USH2A: variants seen among roughly 807,000 people sequenced by gnomAD.
USH2A encodes the protein Usher syndrome 2A (autosomal recessive, mild).
In USH2A, 443 loss-of-function variants were observed where a neutral mutation model predicts 538.9. The ratio of observed to expected loss-of-function variants is 0.82; its 90% CI spans 0.76 to 0.89. USH2A has a LOEUF of 0.89. Among genes scored for constraint, USH2A ranks in the 40% least tolerant of loss-of-function variants. USH2A has a pLI of 0.00. For missense variants in USH2A, 6,633 were observed against 6,324.8 expected, an observed-to-expected ratio of 1.05 and a Z score of -1.65; for synonymous variants, 2,413 against 2,273.5, an observed-to-expected ratio of 1.06 and a Z score of -1.75.
intron 32 of USH2A, among the ~76,000 whole-genome samples, chr1:216,007,404 G>A (rs1167705981): frequency 6.6e-5 from 10 of 152,124 alleles, no homozygotes; most frequent in Admixed American, 6.6e-4. Flanking sequence ...AGAGAAGGAA[G>A]ACTCTGTTCC....
Position 216,299,212 on chromosome 1 carries a change from A to G in USH2A, c.1645-6842T>C, listed in dbSNP as rs535437597. Among the ~76,000 whole-genome samples the G allele has an allele frequency of 2.0e-5, 3 of 152,224 alleles. No individual in the cohort carries two copies. In the South Asian group the frequency reaches 6.2e-4, roughly 32 times the overall value. ...TAATGGGGTGTTGATAATACTGAAG[A>G]GAAGGAAACAAATTAAATGCCCAAA... is the stretch of plus-strand genomic sequence containing the variant. On this transcript the variant is annotated intron_variant, in intron 9 of 71. Transcript: ENST00000307340.
Position 215,841,132 on chromosome 1 carries a change from T to C in USH2A, c.9259-3029A>G, listed in dbSNP as rs946384141. Among the ~76,000 whole-genome samples the C allele has an allele frequency of 2.0e-5, 3 of 152,292 alleles. No homozygotes were observed. The East Asian group carries it at 5.8e-4, about 29-fold the overall frequency. On this transcript the variant is annotated intron_variant, in intron 46 of 71. Coordinates refer to ENST00000307340, the MANE Select transcript of USH2A (RefSeq NM_206933.4). Reference sequence around the variant, plus strand: ...TGGCCATATTGCTCAAAGTAATTAATAGATTCAATGATATTCCCATTAAAC... The same window carrying C: ...TGGCCATATTGCTCAAAGTAATTAACAGATTCAATGATATTCCCATTAAAC...
chr1:216,057,983 G>T (rs374656047), intron 30 of USH2A, among the ~76,000 whole-genome samples: 1 of 152,124 alleles, frequency 6.6e-6, no homozygotes, highest in Non-Finnish European at 1.5e-5. Context: ...TTCTGGCCAC[G>T]CAAGATAACC....
chr1:215,872,577 G>A (rs1664651594), intron 43 of USH2A, among the ~76,000 whole-genome samples: 1 of 152,032 alleles, frequency 6.6e-6, no homozygotes, highest in African/African-American at 2.4e-5. Flanking sequence ...TTTATTCTAA[G>A]AAAACACTAG....
chr1:215,880,081 T>C (rs1023587077), intron 41 of USH2A, among the ~76,000 whole-genome samples: 7 of 152,208 alleles, frequency 4.6e-5, no homozygotes, highest in African/African-American at 7.2e-5. Context: ...AGTCATGTTT[T>C]GTTAGATTAT....
At chr1:215,718,665 A>T (rs1659564032) in intron 61 of USH2A, among the ~76,000 whole-genome samples, 1 of 152,146 alleles carries the variant, frequency 6.6e-6, no homozygotes, top group Non-Finnish European at 1.5e-5. Flanking sequence ...AAAATTGGTC[A>T]TCTGTGTATG....
At chr1:216,104,806 C>A (rs970028648) in intron 21 of USH2A, among the ~76,000 whole-genome samples, 99 of 147,768 alleles carry the variant, frequency 6.7e-4, no homozygotes, top group South Asian at 1.1e-3. Flanking sequence ...GCAACAAAAG[C>A]CAAAATTGAC....
chr1:215,737,853 C>T (rs1660200028), intron 60 of USH2A, among the ~76,000 whole-genome samples: 1 of 151,992 alleles, frequency 6.6e-6, no homozygotes, highest in Non-Finnish European at 1.5e-5. Flanking sequence ...GCTTTGAAAA[C>T]CCTTTCATAT....
intron 60 of USH2A, among the ~76,000 whole-genome samples, chr1:215,728,767 A>G (rs1659906843): frequency 6.6e-6 from 1 of 152,242 alleles, no homozygotes; most frequent in African/African-American, 2.4e-5. Flanking sequence ...AATACAAGAA[A>G]ACAAACATAT....
rs80269349 is a variant in USH2A, at chr1:215,640,324, G to A, written c.14968+234C>T. Among the ~76,000 whole-genome samples, 550 of 152,300 alleles carry A rather than the reference G, an allele frequency of 3.6e-3. 1 individual carries two copies. The highest frequency in any genetic ancestry group is 5.9e-3 in the Non-Finnish European group (400 of 68,018). On this transcript the variant is annotated intron_variant, in intron 68 of 71. Coordinates refer to ENST00000307340, the MANE Select transcript of USH2A (RefSeq NM_206933.4). ...CCCTTCCTGGGGACCCTCCAGTCCT[G>A]TGGAGGCAGCGCTGTCCCCTTGAAC...
intron 11 of USH2A, among the ~76,000 whole-genome samples, chr1:216,266,246 T>C (rs2036470875): frequency 6.6e-6 from 1 of 152,022 alleles, no homozygotes; most frequent in Admixed American, 6.6e-5. Context: ...CACATGCTGG[T>C]GGAAAAACCC....
chr1:215,847,124 C>T (rs545669503), intron 44 of USH2A, among the ~76,000 whole-genome samples: 13 of 152,256 alleles, frequency 8.5e-5, no homozygotes, highest in Admixed American at 5.9e-4. Flanking sequence ...CTCTTCCTCC[C>T]AATTTATCCA....
At position 216,250,790 on chromosome 1, in the gene USH2A, C is replaced by T; in HGVS notation, c.2167+113G>A. The T allele has an allele frequency of 5.3e-6, 6 of 1,129,616 alleles. No individual in the cohort carries two copies. In the Admixed American group the frequency reaches 8.8e-5, roughly 17 times the overall value. The allele number at this position is 1,129,616 out of a possible 1,614,324, so 70.0% of individuals were successfully genotyped here. On this transcript the variant is annotated intron_variant, in intron 12 of 71. Coordinates refer to ENST00000307340, the MANE Select transcript of USH2A (RefSeq NM_206933.4). Reference sequence around the variant, plus strand: ...ATTTCATCCAAATTGTTTTTTTTTCCAGCCTGTCTTGAGCAAAGAAATTTG... The same window carrying T: ...ATTTCATCCAAATTGTTTTTTTTTCTAGCCTGTCTTGAGCAAAGAAATTTG...
intron 55 of USH2A, among the ~76,000 whole-genome samples, chr1:215,772,351 A>G (rs1661315483): frequency 6.6e-6 from 1 of 152,236 alleles, no homozygotes; most frequent in African/African-American, 2.4e-5. Context: ...AAGAGTAGGA[A>G]ATAGCACTTG....
At chr1:216,031,666 G>A (rs1669129340) in intron 32 of USH2A, among the ~76,000 whole-genome samples, 3 of 152,148 alleles carry the variant, frequency 2.0e-5, no homozygotes, top group Admixed American at 2.0e-4. Flanking sequence ...TGATTGTCTT[G>A]TGGTATTTCT....
At chr1:216,208,493 A>G (rs1020164919) in intron 15 of USH2A, among the ~76,000 whole-genome samples, 1 of 152,162 alleles carries the variant, frequency 6.6e-6, no homozygotes, top group African/African-American at 2.4e-5. Flanking sequence ...AGCCTCAGTA[A>G]AAGAAAGCAC....
chr1:216,375,258 G>C (rs1292536467), intron 3 of USH2A, among the ~76,000 whole-genome samples: 1 of 152,152 alleles, frequency 6.6e-6, no homozygotes, highest in Non-Finnish European at 1.5e-5. Context: ...AGCTATGAAA[G>C]TCCTAGGTGG....
At chr1:215,713,366 CT>C (rs1419631117) in intron 61 of USH2A, among the ~76,000 whole-genome samples, 1 of 152,206 alleles carries the variant, frequency 6.6e-6, no homozygotes, top group Non-Finnish European at 1.5e-5. Context: ...AGTCTCTAAT[CT>C]ATGTTTCCTG....
intron 61 of USH2A, among the ~76,000 whole-genome samples, chr1:215,725,810 C>T (rs1170865447): frequency 6.6e-6 from 1 of 152,138 alleles, no homozygotes; most frequent in Non-Finnish European, 1.5e-5. Context: ...CCGCTTAAAG[C>T]TTGGGGCCAT....
Sources: gnomAD v4.1 joint callset for allele counts (sites outside exome capture counted in the v4.1 genomes callset) on GRCh38, gnomAD v4.1.1 for gene constraint, MANE v1.5 for transcripts, NCBI Gene and HGNC (gene_info 2026-07-23, HGNC 2026-07-21) for gene names.